Variants in RBFOX1 observed in about 807,000 individuals in gnomAD.
RBFOX1 encodes the protein RNA binding protein fox-1 homolog 1.
RBFOX1 carries 8 observed loss-of-function variants against 57.7 expected under a neutral mutation model. That is an observed-to-expected ratio of 0.14 (90% confidence interval 0.08 to 0.25). The LOEUF is 0.25. RBFOX1 is among the 10% of genes least tolerant of loss of function. The pLI, the probability that RBFOX1 is intolerant of heterozygous loss-of-function variation, is 1.00. For synonymous variants in RBFOX1, 326 were observed against 222.4 expected (o/e 1.47, Z -4.15); for missense variants, 611 against 548.5 (o/e 1.11, Z -1.14).
chr16:5,849,054 G>A (rs866315888), intron 3 of RBFOX1, among the ~76,000 whole-genome samples: 79 of 152,208 alleles, frequency 5.2e-4, no homozygotes, highest in African/African-American at 1.9e-3. Flanking sequence ...TGCAAGAATG[G>A]GAGAGTAGAA....
At chr16:6,189,442 G>A (rs562657354) in intron 1 of RBFOX1, among the ~76,000 whole-genome samples, 1 of 152,304 alleles carries the variant, frequency 6.6e-6, no homozygotes, top group South Asian at 2.1e-4. Context: ...CAGTGACAGA[G>A]AACTGTTGGG....
At chr16:6,888,199 A>G (rs760990684) in intron 3 of RBFOX1, among the ~76,000 whole-genome samples, 3 of 152,210 alleles carry the variant, frequency 2.0e-5, no homozygotes, top group Non-Finnish European at 4.4e-5. Flanking sequence ...TCTTTACCCA[A>G]AAAATAACTA....
chr16:5,874,550 T>C (rs2057557872), intron 4 of RBFOX1, among the ~76,000 whole-genome samples: 1 of 152,082 alleles, frequency 6.6e-6, no homozygotes, highest in Admixed American at 6.5e-5. Flanking sequence ...GGAGAGTAAA[T>C]GTGGATACAT....
At chr16:5,965,804 C>T (rs1268923895) in intron 4 of RBFOX1, among the ~76,000 whole-genome samples, 1 of 152,032 alleles carries the variant, frequency 6.6e-6, no homozygotes, top group Non-Finnish European at 1.5e-5. Context: ...ACCAGGTTTC[C>T]CTTGGCCCTT....
At chr16:7,610,402 G>A (rs1232944942) in intron 10 of RBFOX1, among the ~76,000 whole-genome samples, 1 of 151,444 alleles carries the variant, frequency 6.6e-6, no homozygotes, top group South Asian at 2.1e-4. Flanking sequence ...TAATATTAAA[G>A]GTCATGATTC....
chr16:5,739,848 G>A (rs1433221655), intron 3 of RBFOX1, among the ~76,000 whole-genome samples: 1 of 152,206 alleles, frequency 6.6e-6, no homozygotes, highest in Non-Finnish European at 1.5e-5. Context: ...ATTTGAGCAA[G>A]CTTCATTCCA....
intron 3 of RBFOX1, among the ~76,000 whole-genome samples, chr16:6,811,668 T>TC (rs1237725434): frequency 3.4e-4 from 52 of 152,250 alleles, no homozygotes; most frequent in African/African-American, 1.2e-3. Context: ...GGCGGGTAGA[T>TC]CATCTGAAGT....
intron 2 of RBFOX1, among the ~76,000 whole-genome samples, chr16:6,617,148 T>A (rs1286873817): frequency 6.6e-6 from 1 of 151,760 alleles, no homozygotes; most frequent in Non-Finnish European, 1.5e-5. Context: ...CAAGGAGAGG[T>A]CCTCCATCCC....
At chr16:7,222,884 G>C (rs532002608) in intron 4 of RBFOX1, among the ~76,000 whole-genome samples, 1 of 152,218 alleles carries the variant, frequency 6.6e-6, no homozygotes, top group South Asian at 2.1e-4. Flanking sequence ...GTGTGTTTTT[G>C]TCCAAGAAGT....
At position 5,328,889 on chromosome 16, in the gene RBFOX1, G is replaced by A. The variant is rs544907821; in HGVS notation, c.219+88784G>A. Among the ~76,000 whole-genome samples, 24 of 152,312 alleles carry A rather than the reference G, an allele frequency of 1.6e-4. No homozygotes were observed. The South Asian group carries it at 2.5e-3, about 16-fold the overall frequency. On this transcript the variant is annotated intron_variant, in intron 1 of 2. Coordinates refer to the RBFOX1 transcript ENST00000585867. The stretch of plus-strand genomic sequence containing the variant: ...TTAACCATTAGGCTGCCTTGATTCC[G>A]GGTCCTACCCAGTTCCTGAGTACCC...
intron 3 of RBFOX1, among the ~76,000 whole-genome samples, chr16:5,662,415 A>G (rs1444466566): frequency 4.6e-5 from 7 of 152,188 alleles, no homozygotes; most frequent in Admixed American, 2.0e-4. Context: ...GAAAGTGCCA[A>G]TATCATCACT....
intron 1 of RBFOX1, among the ~76,000 whole-genome samples, chr16:5,341,409 G>T (rs1277138883): frequency 2.0e-5 from 3 of 152,152 alleles, no homozygotes; most frequent in Admixed American, 6.5e-5. Context: ...GAGAGATCAT[G>T]GGGGGTAGAA....
intron 4 of RBFOX1, among the ~76,000 whole-genome samples, chr16:7,398,961 G>A (rs994970755): frequency 2.0e-5 from 3 of 152,128 alleles, no homozygotes; most frequent in Middle Eastern, 3.2e-3. Context: ...TTCCAATTGG[G>A]AGGCAAAAAG....
chr16:7,198,335 T>G (rs990784096), intron 4 of RBFOX1, among the ~76,000 whole-genome samples: 2 of 152,132 alleles, frequency 1.3e-5, no homozygotes, highest in African/African-American at 4.8e-5. Context: ...TCTGGGGTGA[T>G]GAAAATGTTT....
chr16:7,152,791 A>C (rs1387027108), intron 4 of RBFOX1, among the ~76,000 whole-genome samples: 1 of 152,214 alleles, frequency 6.6e-6, no homozygotes, highest in South Asian at 2.1e-4. Flanking sequence ...ATGTCTAAGC[A>C]TGGTGGACCA....
intron 3 of RBFOX1, among the ~76,000 whole-genome samples, chr16:6,676,588 A>T (rs62015867): frequency 0.96 from 146,260 of 151,738 alleles, 70,732 homozygotes; most frequent in East Asian, 1. Context: ...TATTGATAGG[A>T]CCAGCTCGGA....
At chr16:6,364,622 T>C (rs2089232545) in intron 2 of RBFOX1, among the ~76,000 whole-genome samples, 1 of 152,236 alleles carries the variant, frequency 6.6e-6, no homozygotes, top group African/African-American at 2.4e-5. Flanking sequence ...TATGGTCATA[T>C]AGAGGATCTT....
At chr16:6,791,556 C>T (rs550712419) in intron 3 of RBFOX1, among the ~76,000 whole-genome samples, 3 of 152,204 alleles carry the variant, frequency 2.0e-5, no homozygotes, top group African/African-American at 4.8e-5. Flanking sequence ...GTCAGGAGTT[C>T]GAAACCAACC....
At position 5,746,903 on chromosome 16, in the gene RBFOX1, C is replaced by T. The variant is rs568475084; in HGVS notation, c.319-120400C>T. 7.4e-4 allele frequency among the ~76,000 whole-genome samples: 112 copies of T among 152,294 alleles called. 1 individual carries two copies. The highest frequency in any genetic ancestry group is 2.5e-3 in the African/African-American group (106 of 41,574). ...TGTGCAAACAGGGACAATTTGACTT[C>T]CTCTTTTCCTAATTGAATACCCTTT... On this transcript the variant is annotated intron_variant, in intron 3 of 19. Coordinates refer to the RBFOX1 transcript ENST00000641259.
Sources: allele counts gnomAD v4.1 joint callset (sites outside exome capture counted in the v4.1 genomes callset), GRCh38; gene constraint gnomAD v4.1.1; transcripts MANE v1.5; gene names NCBI Gene and HGNC (gene_info 2026-07-23, HGNC 2026-07-21).